Variants in IL6R observed in about 807,000 individuals in gnomAD.
IL6R encodes the protein interleukin 6 receptor.
In IL6R, 38 loss-of-function variants were observed where a neutral mutation model predicts 48.3. The ratio of observed to expected loss-of-function variants is 0.79; its 90% CI spans 0.61 to 1.03. IL6R has a LOEUF of 1.03. IL6R is among the 50% of genes least tolerant of loss of function. The pLI is 0.00. For missense variants in IL6R, 534 were observed against 618.3 expected, an observed-to-expected ratio of 0.86 and a Z score of 1.45; for synonymous variants, 264 against 256.2, an observed-to-expected ratio of 1.03 and a Z score of -0.29.
In IL6R at chr1:154,465,345, G is replaced by GACATCAGCAAT; in HGVS notation, c.1376_1386dup (p.Asp463SerfsTer73). On this transcript the variant is annotated frameshift_variant, in exon 10 of 10. Coordinates refer to ENST00000368485, the MANE Select transcript of IL6R (RefSeq NM_000565.4). LOFTEE classifies it high-confidence loss of function. ...TGCCAGGGACCCACGGAGCCCTTAT[G>GACATCAGCAAT]ACATCAGCAATACAGACTACTTCTT... 2 of 1,614,202 alleles carry GACATCAGCAAT rather than the reference G, an allele frequency of 1.2e-6. No homozygotes were observed. The highest frequency in any genetic ancestry group is 2.2e-5 in the South Asian group (2 of 91,086).
chr1:154,443,615 G>A (rs1473635218), intron 6 of IL6R, among the ~76,000 whole-genome samples: 4 of 152,296 alleles, frequency 2.6e-5, no homozygotes, highest in East Asian at 3.9e-4. Flanking sequence ...CTGAGACTCA[G>A]TTTGCTTATT....
At chr1:154,429,063 A>T in intron 1 of IL6R, 133 bp from the exon 2 acceptor site, 1 of 1,021,396 alleles carries the variant, frequency 9.8e-7, no homozygotes, top group Admixed American at 2.2e-5. Flanking sequence ...TGCTGCCCTA[A>T]TCCAGGCAGA....
At chr1:154,440,655 CTT>C (rs35390021) in intron 6 of IL6R, among the ~76,000 whole-genome samples, 12 of 134,950 alleles carry the variant, frequency 8.9e-5, no homozygotes, top group Non-Finnish European at 3.1e-5. Context: ...TGATTAATGT[CTT>C]TTTTTTTTTT....
In IL6R at chr1:154,405,985, T is replaced by C. The variant is rs1374988492; in HGVS notation, c.85+271T>C. ...GAACCCTGCGGTCTGTGTACAGGAC[T>C]GTGTCCTTGCAAACCTGACTCTCGA... On this transcript the variant is annotated intron_variant, in intron 1 of 9. Transcript: ENST00000368485. The surrounding 1 kb of genome is among the most constrained non-coding windows in gnomAD (Gnocchi z 5.2). Among the ~76,000 whole-genome samples, 1 of 152,150 alleles carries C rather than the reference T, an allele frequency of 6.6e-6. No individual in the cohort carries two copies. Among genetic ancestry groups the C allele is most frequent in the Admixed American group, 6.5e-5 (1 of 15,280 alleles).
chr1:154,431,068 C>G (rs1379845434), intron 3 of IL6R, among the ~76,000 whole-genome samples: 4 of 152,032 alleles, frequency 2.6e-5, no homozygotes, highest in Non-Finnish European at 5.9e-5. Context: ...AGTGTCTGGG[C>G]CCTTGTGGGC....
chr1:154,416,134 T>G (rs1199260753), intron 1 of IL6R, among the ~76,000 whole-genome samples: 1 of 152,068 alleles, frequency 6.6e-6, no homozygotes, highest in Non-Finnish European at 1.5e-5. Context: ...TATTTTTTCC[T>G]TCCTATTTTT....
chr1:154,457,043 A>G (rs1690924679), intron 9 of IL6R, among the ~76,000 whole-genome samples: 2 of 151,838 alleles, frequency 1.3e-5, no homozygotes, highest in Admixed American at 6.6e-5. Context: ...ATGTGAAGGT[A>G]TTTTCATGGT....
chr1:154,434,452 C>G, intron 3 of IL6R, 67 bp from the exon 4 acceptor site: 3 of 1,431,784 alleles, frequency 2.1e-6, no homozygotes, highest in Non-Finnish European at 2.9e-6. Context: ...CCACTTCCCC[C>G]TTCTGTCCCG....
At chr1:154,458,542 T>C (rs1467046477) in intron 9 of IL6R, among the ~76,000 whole-genome samples, 1 of 151,482 alleles carries the variant, frequency 6.6e-6, no homozygotes, top group African/African-American at 2.4e-5. Flanking sequence ...CCCTATAGAG[T>C]AGAGTAGATA....
intron 1 of IL6R, among the ~76,000 whole-genome samples, chr1:154,413,553 T>C (rs1688161707): frequency 6.6e-6 from 1 of 151,926 alleles, no homozygotes; most frequent in South Asian, 2.1e-4. Flanking sequence ...AAAAGTGTAC[T>C]ATTAACCTGG....
intron 1 of IL6R, among the ~76,000 whole-genome samples, chr1:154,425,954 C>T (rs1490826255): frequency 6.6e-6 from 1 of 150,574 alleles, no homozygotes; most frequent in East Asian, 2.0e-4. Flanking sequence ...GTGGTGTGCA[C>T]CTCCCAGTTA....
intron 6 of IL6R, among the ~76,000 whole-genome samples, chr1:154,441,552 T>A (rs1019017103): frequency 9.2e-5 from 14 of 152,136 alleles, no homozygotes; most frequent in African/African-American, 2.4e-4. Context: ...GGAACTTGGA[T>A]GATTTTGACG....
Position 154,467,036 on chromosome 1 carries a change from G to C in IL6R, c.*1656G>C, listed in dbSNP as rs1175002160. The C allele has an allele frequency of 1.3e-5, 2 of 152,350 alleles. No homozygotes were observed. Among genetic ancestry groups the C allele is most frequent in the Non-Finnish European group, 2.9e-5 (2 of 68,038 alleles). 9.4% of individuals were successfully genotyped at this position (152,350 alleles called of 1,614,324 possible). The stretch of plus-strand genomic sequence containing the variant: ...GAGAGGGTGTCCGGTCCCTGTCCCA[G>C]TGCCGAGAAGGAAGCCTCCCACGAC... On this transcript the variant is annotated 3_prime_UTR_variant, in exon 10 of 10. Coordinates refer to ENST00000368485, the MANE Select transcript of IL6R (RefSeq NM_000565.4).
intron 1 of IL6R, among the ~76,000 whole-genome samples, chr1:154,420,511 TTTTATTTATTTA>T (rs372431155): frequency 4.1e-5 from 6 of 147,884 alleles, no homozygotes; most frequent in Middle Eastern, 3.4e-3. Flanking sequence ...CTTTATTTTA[TTTTATTTATTTA>T]TTTATTTATT....
chr1:154,421,053 A>C lies in IL6R; in HGVS notation c.86-8143A>C, dbSNP rs1447943778. On this transcript the variant is annotated intron_variant, in intron 1 of 9. Transcript: ENST00000368485. The stretch of plus-strand genomic sequence containing the variant: ...AGGTGCTTCCTTGTCCTCTCTGCAG[A>C]ATCCCATTCTTTCTTAGCCTGGGCT... Among the ~76,000 whole-genome samples the C allele has an allele frequency of 2.0e-5, 3 of 152,138 alleles. No individual in the cohort carries two copies. In the East Asian group the frequency reaches 5.8e-4, roughly 29 times the overall value.
At chr1:154,420,559 C>T (rs1292079673) in intron 1 of IL6R, among the ~76,000 whole-genome samples, 1 of 143,388 alleles carries the variant, frequency 7.0e-6, no homozygotes, top group Non-Finnish European at 1.6e-5. Flanking sequence ...AGGAGTCTCG[C>T]CCAGGCTGGA....
At chr1:154,457,443 T>A (rs1397949809) in intron 9 of IL6R, among the ~76,000 whole-genome samples, 1 of 151,636 alleles carries the variant, frequency 6.6e-6, no homozygotes. Flanking sequence ...CATGTATCAA[T>A]CCAGGAACTT....
At chr1:154,407,703 C>T (rs948268010) in intron 1 of IL6R, among the ~76,000 whole-genome samples, 2 of 152,268 alleles carry the variant, frequency 1.3e-5, no homozygotes, top group East Asian at 3.9e-4. Flanking sequence ...GTACAGCCTG[C>T]GGGGCTCTTA....
chr1:154,444,277 C>T (rs1259074308), intron 6 of IL6R, among the ~76,000 whole-genome samples: 1 of 149,074 alleles, frequency 6.7e-6, no homozygotes, highest in African/African-American at 2.5e-5. Context: ...GGCGTGATCT[C>T]AGCTCACCGC....
Sources: gnomAD v4.1 joint callset for allele counts (sites outside exome capture counted in the v4.1 genomes callset) on GRCh38, gnomAD v4.1.1 for gene constraint, Gnocchi (gnomAD v3.1) non-coding constraint, MANE v1.5 for transcripts, NCBI Gene and HGNC (gene_info 2026-07-23, HGNC 2026-07-21) for gene names.